The following HEPACAM2 variants were observed in gnomAD, a reference collection of about 807,000 sequenced individuals.
The protein encoded by HEPACAM2 is mitotic kinetics regulator.
In HEPACAM2, 49 loss-of-function variants were observed where a neutral mutation model predicts 49.6. That is an observed-to-expected ratio of 0.99 (90% CI 0.78 to 1.25). The LOEUF (loss-of-function observed/expected upper bound fraction) is 1.25. HEPACAM2 is among the 50% of genes most tolerant of loss of function. HEPACAM2 has a pLI of 0.00. For synonymous variants in HEPACAM2, 197 were observed against 202.9 expected (o/e 0.97, Z 0.25); for missense variants, 525 against 557.2 (o/e 0.94, Z 0.58).
intron 3 of HEPACAM2, among the ~76,000 whole-genome samples, chr7:93,211,174 A>G (rs978366880): frequency 2.0e-5 from 3 of 152,058 alleles, no homozygotes; most frequent in Non-Finnish European, 4.4e-5. Context: ...AAAACAGACT[A>G]ATCTATGTTT....
At chr7:93,219,051 G>GCTAA in intron 2 of HEPACAM2, 50 bp downstream of exon 2, 1 of 1,526,220 alleles carries the variant, frequency 6.6e-7, no homozygotes, top group Non-Finnish European at 9.0e-7. Context: ...CTGAGCCTTT[G>GCTAA]CTAACTACCA....
At chr7:93,222,070 A>T (rs994823022) in intron 1 of HEPACAM2, among the ~76,000 whole-genome samples, 3 of 152,150 alleles carry the variant, frequency 2.0e-5, no homozygotes, top group African/African-American at 7.2e-5. Context: ...GAAAGATGGG[A>T]GAGAGAAATC....
At chr7:93,208,897 A>T in intron 3 of HEPACAM2, 21 bp from the exon 4 acceptor site, 1 of 1,526,736 alleles carries the variant, frequency 6.5e-7, no homozygotes, top group Non-Finnish European at 8.8e-7. Context: ...ATAAAAAAAA[A>T]TAGATAAGTA....
chr7:93,191,962 T>A lies in HEPACAM2; in HGVS notation c.1385+292A>T, dbSNP rs532793629. On this transcript the variant is annotated intron_variant, in intron 9 of 9. Transcript: ENST00000394468. ...CCTGAACATTCCTTTCATACCCAGATGTGGATTCCTTGGGGAAATATTGTG... is the reference window on the plus strand; with the variant it reads ...CCTGAACATTCCTTTCATACCCAGAAGTGGATTCCTTGGGGAAATATTGTG... Among the ~76,000 whole-genome samples, 11 of 152,186 alleles carry A rather than the reference T, an allele frequency of 7.2e-5. No homozygotes were observed. In the East Asian group the frequency reaches 1.9e-3, roughly 27 times the overall value.
At chr7:93,225,903 G>A (rs1794529498) in intron 1 of HEPACAM2, 3 of 1,428,438 alleles carry the variant, frequency 2.1e-6, no homozygotes, top group Non-Finnish European at 2.8e-6. Context: ...TATTTCATAA[G>A]ATGAGACAGA....
At chr7:93,226,000 CTAAG>C (rs1387510994) in intron 1 of HEPACAM2, 1 of 859,816 alleles carries the variant, frequency 1.2e-6, no homozygotes, top group Non-Finnish European at 1.7e-6. Flanking sequence ...TAGTTTCACT[CTAAG>C]TGGTCACAAT....
chr7:93,197,071 A>G (rs758953359), intron 7 of HEPACAM2, among the ~76,000 whole-genome samples, 170 bp downstream of exon 7: 4 of 152,114 alleles, frequency 2.6e-5, no homozygotes, highest in Non-Finnish European at 4.4e-5. Flanking sequence ...TATAAAACCA[A>G]TACAGAAGAC....
intron 1 of HEPACAM2, among the ~76,000 whole-genome samples, chr7:93,220,784 A>G (rs1046734439): frequency 3.3e-5 from 5 of 152,162 alleles, no homozygotes; most frequent in Admixed American, 3.3e-4. Flanking sequence ...GTCTTACCTT[A>G]AGCCATGATA....
At chr7:93,196,698 C>T (rs552184271) in intron 7 of HEPACAM2, among the ~76,000 whole-genome samples, 9 of 152,204 alleles carry the variant, frequency 5.9e-5, no homozygotes, top group African/African-American at 1.9e-4. Flanking sequence ...AAACTTGGCT[C>T]CCTGTGATTT....
At chr7:93,207,891 C>T (rs1366118950) in intron 4 of HEPACAM2, among the ~76,000 whole-genome samples, 5 of 151,794 alleles carry the variant, frequency 3.3e-5, no homozygotes, top group Non-Finnish European at 5.9e-5. Flanking sequence ...TGAAATCATA[C>T]AGAAAATCAT....
At chr7:93,222,625 C>T (rs1023478882) in intron 1 of HEPACAM2, among the ~76,000 whole-genome samples, 2 of 152,106 alleles carry the variant, frequency 1.3e-5, no homozygotes, top group Non-Finnish European at 2.9e-5. Flanking sequence ...GTAAAGGACA[C>T]ATACTTGGGG....
upstream of HEPACAM2, among the ~76,000 whole-genome samples, chr7:93,230,409 C>A (rs1794601346): frequency 6.6e-6 from 1 of 152,156 alleles, no homozygotes; most frequent in Admixed American, 6.5e-5. Context: ...AAACAAACAT[C>A]CCCAAAGAAA....
At chr7:93,227,614 C>T (rs887358330), upstream of HEPACAM2, among the ~76,000 whole-genome samples, 3 of 152,120 alleles carry the variant, frequency 2.0e-5, no homozygotes, top group South Asian at 2.1e-4. Context: ...ATTGGGAAAA[C>T]GAAGTCCTCT....
chr7:93,226,984 A>AT (rs1320603427), upstream of HEPACAM2, among the ~76,000 whole-genome samples: 3 of 152,162 alleles, frequency 2.0e-5, no homozygotes, highest in African/African-American at 7.2e-5. Flanking sequence ...TTTAAAACGT[A>AT]TTTTTTCTAT....
upstream of HEPACAM2, among the ~76,000 whole-genome samples, chr7:93,230,261 C>G (rs1794598886): frequency 6.6e-6 from 1 of 152,176 alleles, no homozygotes; most frequent in African/African-American, 2.4e-5. Flanking sequence ...GGGGTTGAAT[C>G]TGGGTTCTAG....
chr7:93,217,913 T>A (rs1794348735), intron 2 of HEPACAM2, among the ~76,000 whole-genome samples: 1 of 138,246 alleles, frequency 7.2e-6, no homozygotes, highest in African/African-American at 2.8e-5. Flanking sequence ...TGTGTGTGTG[T>A]GTTGGAGAAG....
chr7:93,227,594 G>A (rs1055134419), upstream of HEPACAM2, among the ~76,000 whole-genome samples: 10 of 152,170 alleles, frequency 6.6e-5, no homozygotes, highest in African/African-American at 2.4e-4. Context: ...AGCAAAGAAA[G>A]TAAGTGACTA....
At chr7:93,211,017 T>C (rs1794165855) in intron 3 of HEPACAM2, among the ~76,000 whole-genome samples, 1 of 152,042 alleles carries the variant, frequency 6.6e-6, no homozygotes, top group African/African-American at 2.4e-5. Flanking sequence ...CCATTTTGGA[T>C]ATTGGCAAAC....
At chr7:93,229,754 G>C (rs1794592931), upstream of HEPACAM2, among the ~76,000 whole-genome samples, 2 of 152,150 alleles carry the variant, frequency 1.3e-5, no homozygotes, top group South Asian at 4.1e-4. Context: ...AAATGTGAAA[G>C]TCCTGAATAA....
Sources: allele counts gnomAD v4.1 joint callset (sites outside exome capture counted in the v4.1 genomes callset), GRCh38; gene constraint gnomAD v4.1.1; transcripts MANE v1.5; gene names NCBI Gene and HGNC (gene_info 2026-07-23, HGNC 2026-07-21).